Variants in ZEB2 observed in about 807,000 individuals in gnomAD.
ZEB2 encodes the protein zinc finger E-box binding homeobox 2, also known as zinc finger E-box-binding homeobox 2.
Under a neutral mutation model 99.9 loss-of-function variants are expected in ZEB2, and 6 were observed. The ratio of observed to expected loss-of-function variants is 0.06; its 90% CI spans 0.03 to 0.12. ZEB2 has a LOEUF of 0.12. Among genes scored for constraint, ZEB2 ranks in the 10% least tolerant of loss-of-function variants. The pLI, the probability that ZEB2 is intolerant of heterozygous loss-of-function variation, is 1.00. For synonymous variants in ZEB2, 517 were observed against 542.5 expected (o/e 0.95, Z 0.65); for missense variants, 969 against 1,502.8 (o/e 0.64, Z 5.87).
At chr2:144,411,123 T>TATAC (rs573748218) in intron 4 of ZEB2, among the ~76,000 whole-genome samples, 1 of 117,584 alleles carries the variant, frequency 8.5e-6, no homozygotes, top group Non-Finnish European at 1.7e-5. Flanking sequence ...ATCTCATATA[T>TATAC]ACACACACAC....
In ZEB2 at chr2:144,389,356, A is replaced by T; in HGVS notation, c.*95T>A. 1 of 1,392,772 alleles carries T rather than the reference A, an allele frequency of 7.2e-7. No individual in the cohort carries two copies. 86.3% of individuals were successfully genotyped at this position (1,392,772 alleles called of 1,614,324 possible). Reference sequence around the variant, plus strand: ...CTCTCTACAGCTTCCTGGAAGCGTCAGGCACGTGCATGAACAGCTTAACAC... The same window carrying T: ...CTCTCTACAGCTTCCTGGAAGCGTCTGGCACGTGCATGAACAGCTTAACAC... On this transcript the variant is annotated 3_prime_UTR_variant, in exon 10 of 10. Coordinates refer to ENST00000627532, the MANE Select transcript of ZEB2 (RefSeq NM_014795.4). The surrounding 1 kb of genome is among the most constrained non-coding windows in gnomAD (Gnocchi z 6.8).
chr2:144,404,590 A>G (rs1202441511), intron 5 of ZEB2, among the ~76,000 whole-genome samples: 6 of 152,112 alleles, frequency 3.9e-5, no homozygotes, highest in Non-Finnish European at 8.8e-5. Context: ...ACATTTAGAT[A>G]TTTTTATCTC....
Position 144,429,864 on chromosome 2 carries a change from A to G in ZEB2, c.236T>C (p.Leu79Ser), listed in dbSNP as rs1260145954. 1.9e-6 allele frequency: 3 copies of G among 1,613,786 alleles called. No homozygotes were observed. In the African/African-American group the frequency reaches 4.0e-5, roughly 22 times the overall value. The change falls in exon 3 of 10, where the codon TTG (leucine) becomes TCG (serine). Residue 79 changes from leucine (L) to serine (S), a missense_variant. Transcript: ENST00000627532. ...ESSPHVSQAL[L>S]PREEEEDEIR... ...TTCATCTTCCTCTTCCTCTCTTGGC[A>G]ACAGAGCTTGGCTCACGTGTGGGGA... is the stretch of plus-strand genomic sequence containing the variant.
At chr2:144,466,187 C>T (rs1042531020) in intron 2 of ZEB2, among the ~76,000 whole-genome samples, 2 of 152,160 alleles carry the variant, frequency 1.3e-5, no homozygotes, top group Admixed American at 6.6e-5. Flanking sequence ...CAGTGTATCT[C>T]CCTTAGGGGG....
At chr2:144,487,512 T>C (rs918433700) in intron 2 of ZEB2, among the ~76,000 whole-genome samples, 3 of 152,084 alleles carry the variant, frequency 2.0e-5, no homozygotes, top group African/African-American at 7.2e-5. Flanking sequence ...GTAAAGAAAT[T>C]GATTTAGGAA....
At chr2:144,453,274 C>G (rs1486174883) in intron 2 of ZEB2, among the ~76,000 whole-genome samples, 1 of 152,228 alleles carries the variant, frequency 6.6e-6, no homozygotes, top group Non-Finnish European at 1.5e-5. Context: ...GTGAAGCACT[C>G]AAGTCTGGAT....
chr2:144,517,513 G>A (rs1012199027), intron 1 of ZEB2, 94 bp from the exon 2 acceptor site: 20 of 793,730 alleles, frequency 2.5e-5, no homozygotes, highest in Non-Finnish European at 4.3e-5. Context: ...GCCCCGGCGA[G>A]CACCCATCCG....
Position 144,389,560 on chromosome 2 carries a change from A to G in ZEB2, c.3536T>C (p.Ile1179Thr), listed in dbSNP as rs1238900874. The change falls in exon 10 of 10, where the codon ATA (isoleucine) becomes ACA (threonine). Residue 1179 changes from isoleucine to threonine, a missense_variant. Around this residue, in one of 8 missense-constraint regions of ZEB2, gnomAD observed 121 missense variants for 166.4 expected, o/e 0.73. Coordinates refer to ENST00000627532, the MANE Select transcript of ZEB2 (RefSeq NM_014795.4). This position sits in a 1 kb window ranked among gnomAD's most constrained non-coding sequence, Gnocchi z 6.8. ...ATCTCCAGTCTCTTCTTCATCTCGT[A>G]TCGTTTCGGGATCCGTATCCATACT... is the stretch of plus-strand genomic sequence containing the variant. ...NKSMDTDPET[I>T]RDEEETGDHS... The G allele has an allele frequency of 1.4e-5, 22 of 1,613,980 alleles. No individual in the cohort carries two copies. Among genetic ancestry groups the G allele is most frequent in the Non-Finnish European group, 1.7e-5 (20 of 1,180,016 alleles).
chr2:144,506,904 G>A (rs1466835356), intron 2 of ZEB2, among the ~76,000 whole-genome samples: 1 of 152,094 alleles, frequency 6.6e-6, no homozygotes, highest in Non-Finnish European at 1.5e-5. Context: ...CTATTAAAGA[G>A]AAATCCATTA....
intron 6 of ZEB2, 129 bp from the exon 7 acceptor site, chr2:144,401,436 T>C (rs894902503): frequency 7.4e-6 from 6 of 805,682 alleles, no homozygotes; most frequent in Non-Finnish European, 1.3e-5. Flanking sequence ...ATTTATCTGC[T>C]CAGTCTTTCA....
intron 2 of ZEB2, chr2:144,511,590 A>C: frequency 7.8e-7 from 1 of 1,280,264 alleles, no homozygotes; most frequent in Non-Finnish European, 1.0e-6. Flanking sequence ...ACTTTTTAAA[A>C]GTTTACCCTC....
chr2:144,403,846 G>T, intron 6 of ZEB2, 70 bp downstream of exon 6: 1 of 1,581,776 alleles, frequency 6.3e-7, no homozygotes, highest in Non-Finnish European at 8.7e-7. Context: ...AATAATGATT[G>T]CCAATCAAAG....
At chr2:144,470,922 C>T (rs1704346497) in intron 2 of ZEB2, among the ~76,000 whole-genome samples, 1 of 152,062 alleles carries the variant, frequency 6.6e-6, no homozygotes, top group Admixed American at 6.6e-5. Flanking sequence ...TGTTGTTCTT[C>T]AATGAAAAAT....
chr2:144,500,616 A>G (rs1178539037), intron 2 of ZEB2, among the ~76,000 whole-genome samples: 1 of 152,218 alleles, frequency 6.6e-6, no homozygotes, highest in Non-Finnish European at 1.5e-5. Context: ...TTCCTTGAGC[A>G]TACTAGTATC....
At chr2:144,516,360 T>G (rs1705143040) in intron 2 of ZEB2, 1 of 151,274 alleles carries the variant, frequency 6.6e-6, no homozygotes, top group African/African-American at 2.4e-5. Flanking sequence ...TCTCACTCTC[T>G]TCCTCTCTCT....
At chr2:144,405,125 G>C (rs1390615575) in intron 4 of ZEB2, 101 bp from the exon 5 acceptor site, 1 of 1,242,802 alleles carries the variant, frequency 8.0e-7, no homozygotes, top group African/African-American at 1.5e-5. Flanking sequence ...ACTTGCAATA[G>C]ACTACAAAAC....
At chr2:144,453,802 G>T (rs530238435) in intron 2 of ZEB2, among the ~76,000 whole-genome samples, 1 of 152,174 alleles carries the variant, frequency 6.6e-6, no homozygotes, top group African/African-American at 2.4e-5. Flanking sequence ...AGGGAGCACA[G>T]AACTGTTATT....
intron 2 of ZEB2, chr2:144,512,842 A>C: frequency 1.6e-6 from 2 of 1,287,224 alleles, no homozygotes; most frequent in Non-Finnish European, 2.0e-6. Flanking sequence ...CACAGAGAAA[A>C]AAGGATGGAG....
chr2:144,448,318 A>T (rs1231141209), intron 2 of ZEB2, among the ~76,000 whole-genome samples: 1 of 152,196 alleles, frequency 6.6e-6, no homozygotes, highest in Non-Finnish European at 1.5e-5. Context: ...GGCATCCCAG[A>T]CACTAAACTA....
Sources: allele counts gnomAD v4.1 joint callset (sites outside exome capture counted in the v4.1 genomes callset), GRCh38; gene constraint gnomAD v4.1.1; regional missense constraint gnomAD v4.1.1; non-coding constraint Gnocchi (gnomAD v3.1); transcripts MANE v1.5; gene names NCBI Gene and HGNC (gene_info 2026-07-23, HGNC 2026-07-21).